Variants in CNBD1 observed in about 807,000 individuals in gnomAD.
CNBD1 encodes cyclic nucleotide-binding domain-containing protein 1.
In CNBD1, 71 loss-of-function variants were observed where a neutral mutation model predicts 54.4. The ratio of observed to expected loss-of-function variants is 1.30; its 90% CI spans 1.08 to 1.59. The LOEUF (loss-of-function observed/expected upper bound fraction) is 1.59. Among genes scored for constraint, CNBD1 ranks in the 40% most tolerant of loss-of-function variants. The probability of loss-of-function intolerance (pLI) is 0.00; values close to 1 mark genes in which losing one functional copy is unlikely to be tolerated. For missense variants in CNBD1, 659 were observed against 518.0 expected (o/e 1.27, Z -2.64); for synonymous variants, 182 against 170.7 (o/e 1.07, Z -0.51).
At chr8:87,043,916 T>C (rs1403058349) in intron 4 of CNBD1, among the ~76,000 whole-genome samples, 2 of 152,226 alleles carry the variant, frequency 1.3e-5, no homozygotes, top group African/African-American at 4.8e-5. Flanking sequence ...AAGAAGTTGG[T>C]TTCAGGCTTT....
chr8:86,927,603 A>G (rs1453028022), intron 3 of CNBD1, among the ~76,000 whole-genome samples: 2 of 152,092 alleles, frequency 1.3e-5, no homozygotes, highest in East Asian at 1.9e-4. Context: ...GAAAGTTAAG[A>G]CAGTAAACAT....
At chr8:87,137,114 T>TTTATATTATATGTAAATTATA (rs1563482913) in intron 4 of CNBD1, among the ~76,000 whole-genome samples, 1 of 62,006 alleles carries the variant, frequency 1.6e-5, no homozygotes, top group African/African-American at 7.3e-5. Context: ...ATTATATATA[T>TTTATATTATATGTAAATTATA]TATATTTTTA....
chr8:87,256,405 T>G (rs1808026926), intron 6 of CNBD1, among the ~76,000 whole-genome samples: 1 of 151,996 alleles, frequency 6.6e-6, no homozygotes, highest in African/African-American at 2.4e-5. Flanking sequence ...TTTTTTAGAA[T>G]GTATGTAAGT....
intron 4 of CNBD1, among the ~76,000 whole-genome samples, chr8:86,983,048 T>C (rs998405014): frequency 3.3e-5 from 5 of 152,200 alleles, no homozygotes; most frequent in African/African-American, 7.2e-5. Flanking sequence ...CATGGGCATA[T>C]TGTATGATGC....
chr8:87,250,863 T>C (rs1391181146), intron 6 of CNBD1, among the ~76,000 whole-genome samples: 1 of 152,168 alleles, frequency 6.6e-6, no homozygotes, highest in Non-Finnish European at 1.5e-5. Flanking sequence ...AGATGGCTAA[T>C]GGGTACAAAA....
chr8:87,146,510 C>A (rs141850576), intron 4 of CNBD1, among the ~76,000 whole-genome samples: 30 of 152,220 alleles, frequency 2.0e-4, no homozygotes, highest in African/African-American at 7.2e-4. Context: ...AGCCCTATGG[C>A]TTTAAATATC....
At chr8:87,086,025 T>C (rs1811088990) in intron 4 of CNBD1, among the ~76,000 whole-genome samples, 2 of 152,180 alleles carry the variant, frequency 1.3e-5, no homozygotes, top group Non-Finnish European at 2.9e-5. Context: ...TGTCTGTTCC[T>C]TCCCTTTTTC....
chr8:87,133,553 G>C (rs1240577951), intron 4 of CNBD1, among the ~76,000 whole-genome samples: 2 of 152,110 alleles, frequency 1.3e-5, no homozygotes, highest in Non-Finnish European at 2.9e-5. Context: ...ACTCTCCTGG[G>C]TTGTTCCCTT....
At chr8:86,962,429 A>C (rs1018286928) in intron 4 of CNBD1, among the ~76,000 whole-genome samples, 24 of 152,122 alleles carry the variant, frequency 1.6e-4, no homozygotes, top group Admixed American at 6.6e-4. Flanking sequence ...GGCCATTTGA[A>C]TTCTTGGAGG....
chr8:87,171,041 T>G (rs2130768319), intron 4 of CNBD1, among the ~76,000 whole-genome samples: 1 of 152,278 alleles, frequency 6.6e-6, no homozygotes. Flanking sequence ...AGAATGAGTT[T>G]AGAAGTATTC....
At chr8:87,360,819 G>T (rs181480353) in intron 10 of CNBD1, among the ~76,000 whole-genome samples, 1 of 151,804 alleles carries the variant, frequency 6.6e-6, no homozygotes, top group Non-Finnish European at 1.5e-5. Context: ...CTATCTGAAA[G>T]TTTCTGCTTG....
intron 4 of CNBD1, among the ~76,000 whole-genome samples, chr8:87,028,309 G>C (rs1809701072): frequency 6.6e-6 from 1 of 152,222 alleles, no homozygotes; most frequent in Non-Finnish European, 1.5e-5. Context: ...TGGGGCCGGA[G>C]AGAGACAGAA....
At chr8:86,878,306 T>G (rs1352345061) in intron 1 of CNBD1, among the ~76,000 whole-genome samples, 1 of 152,196 alleles carries the variant, frequency 6.6e-6, no homozygotes, top group African/African-American at 2.4e-5. Context: ...GAAGATAGAT[T>G]ACTTGTTAGA....
At chr8:87,304,186 C>A (rs1057208095) in intron 8 of CNBD1, among the ~76,000 whole-genome samples, 6 of 151,780 alleles carry the variant, frequency 4.0e-5, no homozygotes, top group Admixed American at 3.3e-4. Flanking sequence ...CACATGCACA[C>A]GTATGTTTAT....
intron 4 of CNBD1, among the ~76,000 whole-genome samples, chr8:86,946,801 T>C (rs1165617858): frequency 6.6e-6 from 1 of 152,166 alleles, no homozygotes; most frequent in East Asian, 1.9e-4. Context: ...CATTAAAAGA[T>C]TTAATGTCTG....
intron 4 of CNBD1, among the ~76,000 whole-genome samples, chr8:87,112,736 A>G (rs976771883): frequency 6.8e-5 from 9 of 132,910 alleles, no homozygotes; most frequent in Non-Finnish European, 3.2e-5. Flanking sequence ...TCATCATGCC[A>G]GGGACTATCA....
At chr8:87,316,015 A>C (rs1228213733) in intron 8 of CNBD1, among the ~76,000 whole-genome samples, 3 of 152,058 alleles carry the variant, frequency 2.0e-5, no homozygotes, top group African/African-American at 7.2e-5. Context: ...TTTAAAAATC[A>C]TAAAATAGGT....
intron 8 of CNBD1, among the ~76,000 whole-genome samples, chr8:87,313,506 C>A (rs934619631): frequency 6.6e-6 from 1 of 151,930 alleles, no homozygotes; most frequent in Admixed American, 6.6e-5. Flanking sequence ...GTAACTTGAA[C>A]AAATTCTTCA....
intron 10 of CNBD1, among the ~76,000 whole-genome samples, chr8:87,361,592 T>C (rs1810524889): frequency 6.6e-6 from 1 of 151,518 alleles, no homozygotes; most frequent in Admixed American, 6.6e-5. Context: ...GAAAATTTAC[T>C]CCAGTTATAG....
Sources: allele counts gnomAD v4.1 joint callset (sites outside exome capture counted in the v4.1 genomes callset), GRCh38; gene constraint gnomAD v4.1.1; transcripts MANE v1.5; gene names NCBI Gene and HGNC (gene_info 2026-07-23, HGNC 2026-07-21).